RARB: variants seen among roughly 807,000 people sequenced by gnomAD.
The protein encoded by RARB is HBV-activated protein.
A neutral mutation model predicts 51.9 loss-of-function variants in RARB; 17 were observed. That is an observed-to-expected ratio of 0.33 (90% CI 0.22 to 0.49). The LOEUF (loss-of-function observed/expected upper bound fraction) is 0.49, where lower values mean the gene tolerates loss of function less well. Ranked by LOEUF, RARB falls within the 20% of genes least tolerant of loss-of-function variation. The pLI, the probability that RARB is intolerant of heterozygous loss-of-function variation, is 0.99. For synonymous variants in RARB, 215 were observed against 195.4 expected (o/e 1.10, Z -0.84); for missense variants, 369 against 550.8 (o/e 0.67, Z 3.30).
chr3:24,967,214 G>T (rs778488569), intron 2 of RARB, among the ~76,000 whole-genome samples: 33 of 152,026 alleles, frequency 2.2e-4, no homozygotes, highest in Non-Finnish European at 4.0e-4. Flanking sequence ...TAAGCTTCTC[G>T]TTGGTCACAG....
chr3:25,516,559 G>A (rs916339671), intron 3 of RARB, among the ~76,000 whole-genome samples: 11 of 151,290 alleles, frequency 7.3e-5, no homozygotes, highest in Non-Finnish European at 1.3e-4. Flanking sequence ...AGGCAACCTA[G>A]TTAAAAAAAG....
chr3:24,861,670 C>G (rs1702750935), intron 2 of RARB, among the ~76,000 whole-genome samples: 1 of 151,042 alleles, frequency 6.6e-6, no homozygotes, highest in Admixed American at 6.6e-5. Context: ...CCCCACAGTT[C>G]TGTAGGTCTT....
intron 3 of RARB, among the ~76,000 whole-genome samples, chr3:25,105,115 G>A (rs540765572): frequency 1.5e-4 from 23 of 152,100 alleles, no homozygotes; most frequent in Admixed American, 1.2e-3. Context: ...ACATTGTTAC[G>A]CTAAAGGTAA....
intron 2 of RARB, among the ~76,000 whole-genome samples, chr3:24,936,892 C>T (rs1273883622): frequency 1.3e-5 from 2 of 152,108 alleles, no homozygotes; most frequent in Non-Finnish European, 2.9e-5. Context: ...TAATTAAATG[C>T]TCTGGAGTGT....
chr3:24,943,659 A>G (rs1695716371), intron 2 of RARB, among the ~76,000 whole-genome samples: 1 of 152,180 alleles, frequency 6.6e-6, no homozygotes, highest in South Asian at 2.1e-4. Flanking sequence ...TTATTTGTCT[A>G]ACTATAAGGA....
At chr3:25,014,185 G>GA in intron 2 of RARB, among the ~76,000 whole-genome samples, 1 of 152,088 alleles carries the variant, frequency 6.6e-6, no homozygotes, top group Middle Eastern at 3.4e-3. Context: ...ACTTTCGCAT[G>GA]CCTTTTTGCA....
chr3:25,283,086 A>G (rs322660), intron 5 of RARB, among the ~76,000 whole-genome samples: 4,284 of 152,236 alleles, frequency 0.028, 83 homozygotes, highest in Non-Finnish European at 0.045. Context: ...TCTCACAAGT[A>G]AATCTCTAAG....
At chr3:24,987,643 A>G (rs1696823123) in intron 2 of RARB, among the ~76,000 whole-genome samples, 1 of 152,246 alleles carries the variant, frequency 6.6e-6, no homozygotes, top group Non-Finnish European at 1.5e-5. Context: ...TTTTAAGAGA[A>G]AAATATATGG....
intron 4 of RARB, among the ~76,000 whole-genome samples, chr3:25,147,387 C>T (rs1483495807): frequency 6.6e-6 from 1 of 152,138 alleles, no homozygotes; most frequent in African/African-American, 2.4e-5. Context: ...GCCATGGCCA[C>T]ATCTCTGGGG....
intron 5 of RARB, among the ~76,000 whole-genome samples, chr3:25,586,255 C>T (rs865932412): frequency 9.1e-4 from 138 of 152,194 alleles, no homozygotes; most frequent in African/African-American, 3.0e-3. Context: ...AAGCCTTCTC[C>T]GACCAGCCAC....
chr3:25,314,514 G>A (rs890241589), intron 5 of RARB, among the ~76,000 whole-genome samples: 1 of 152,234 alleles, frequency 6.6e-6, no homozygotes, highest in African/African-American at 2.4e-5. Context: ...TCTGTCATCA[G>A]TTTCTTGGGG....
intron 2 of RARB, among the ~76,000 whole-genome samples, chr3:24,922,486 G>A (rs995873163): frequency 6.6e-6 from 1 of 152,080 alleles, no homozygotes; most frequent in Non-Finnish European, 1.5e-5. Context: ...ATTTAGAGGA[G>A]GTATTTATTG....
intron 5 of RARB, among the ~76,000 whole-genome samples, chr3:25,262,180 T>A (rs1029876852): frequency 6.6e-6 from 1 of 152,136 alleles, no homozygotes; most frequent in Non-Finnish European, 1.5e-5. Flanking sequence ...CTGGACCAGA[T>A]CAATGGAACT....
chr3:25,560,338 C>A (rs1700222557), intron 3 of RARB, among the ~76,000 whole-genome samples: 1 of 152,150 alleles, frequency 6.6e-6, no homozygotes, highest in Non-Finnish European at 1.5e-5. Context: ...ATTTGGATTT[C>A]TAAAATTGAC....
intron 5 of RARB, among the ~76,000 whole-genome samples, chr3:25,590,592 C>T (rs1269567810): frequency 6.6e-6 from 1 of 152,156 alleles, no homozygotes; most frequent in Admixed American, 6.5e-5. Flanking sequence ...GTGATCCCAG[C>T]TCACTGCAAC....
intron 2 of RARB, among the ~76,000 whole-genome samples, chr3:24,930,743 T>C (rs1363476221): frequency 2.0e-5 from 3 of 152,076 alleles, no homozygotes; most frequent in Admixed American, 2.0e-4. Flanking sequence ...GCATGGAAGC[T>C]TGTGCCTATA....
At chr3:24,963,713 GC>G (rs1302159933) in intron 2 of RARB, among the ~76,000 whole-genome samples, 1 of 151,814 alleles carries the variant, frequency 6.6e-6, no homozygotes, top group African/African-American at 2.4e-5. Context: ...GAGCATCTCT[GC>G]CGGAGTATAT....
At chr3:25,174,526 C>T in exon 5 of RARB, 1 of 1,352,128 alleles carries the variant, frequency 7.4e-7, no homozygotes, top group Non-Finnish European at 9.8e-7. Context: ...CCCTCCATGG[C>T]CTTCATGGAC....
chr3:24,974,834 G>C (rs960377192), intron 2 of RARB, among the ~76,000 whole-genome samples: 1 of 152,154 alleles, frequency 6.6e-6, no homozygotes, highest in Non-Finnish European at 1.5e-5. Flanking sequence ...GCTTTGGAAA[G>C]GTCTTTAGAC....
Sources: allele counts gnomAD v4.1 joint callset (sites outside exome capture counted in the v4.1 genomes callset), GRCh38; gene constraint gnomAD v4.1.1; transcripts MANE v1.5; gene names NCBI Gene and HGNC (gene_info 2026-07-23, HGNC 2026-07-21).